NINL: variants seen among roughly 807,000 people sequenced by gnomAD.
The protein encoded by NINL is ninein like.
Under a neutral mutation model 160.3 loss-of-function variants are expected in NINL, and 153 were observed. The observed-to-expected ratio is 0.95, with a 90% CI of 0.84 to 1.09. The LOEUF (loss-of-function observed/expected upper bound fraction) is 1.09. Among genes scored for constraint, NINL ranks in the 50% least tolerant of loss-of-function variants. The pLI is 0.00. For synonymous variants in NINL, 800 were observed against 734.8 expected, an observed-to-expected ratio of 1.09 and a Z score of -1.43; for missense variants, 1,829 against 1,764.0, an observed-to-expected ratio of 1.04 and a Z score of -0.66.
chr20:25,563,048 C>G (rs1454023435), intron 1 of NINL, among the ~76,000 whole-genome samples: 1 of 152,120 alleles, frequency 6.6e-6, no homozygotes, highest in Non-Finnish European at 1.5e-5. Flanking sequence ...CGCCTGTAGT[C>G]CCAGCTACTT....
At chr20:25,566,763 C>G (rs2065003040) in intron 1 of NINL, among the ~76,000 whole-genome samples, 3 of 152,014 alleles carry the variant, frequency 2.0e-5, no homozygotes. Context: ...CACTGCACTC[C>G]AACCTAGGTG....
chr20:25,472,703 T>C (rs1601045502), intron 17 of NINL, among the ~76,000 whole-genome samples: 1 of 151,964 alleles, frequency 6.6e-6, no homozygotes, highest in Non-Finnish European at 1.5e-5. Flanking sequence ...TAATTTTTCT[T>C]AAGTTTTTGT....
intron 1 of NINL, among the ~76,000 whole-genome samples, chr20:25,561,270 C>T (rs1004783098): frequency 9.9e-5 from 15 of 152,152 alleles, no homozygotes; most frequent in African/African-American, 2.7e-4. Flanking sequence ...AGCTCCTAAG[C>T]GCGAGTGATC....
chr20:25,476,291 C>A lies in NINL; in HGVS notation c.3000G>T (p.Arg1000=). The A allele has an allele frequency of 1.2e-6, 2 of 1,613,426 alleles. No homozygotes were observed. The highest frequency in any genetic ancestry group is 1.7e-6 in the Non-Finnish European group (2 of 1,179,980). Residue 1000 remains arginine (R), a synonymous_variant, in exon 17 of 24, where the codon CGG becomes CGT. Coordinates refer to ENST00000278886, the MANE Select transcript of NINL (RefSeq NM_025176.6). ...TQEQASEQQA[R]AEGALEPGCH... ...ACCCAGGCTCCAGGGCGCCCTCGGC[C>A]CGGGCCTGCTGCTCCGAGGCCTGCT...
chr20:25,573,437 G>A (rs1016602170), intron 1 of NINL, among the ~76,000 whole-genome samples: 1 of 152,064 alleles, frequency 6.6e-6, no homozygotes, highest in Non-Finnish European at 1.5e-5. Context: ...TAGGAGCCTA[G>A]AGGCATAACA....
chr20:25,541,604 AC>A (rs1252830585), intron 1 of NINL, among the ~76,000 whole-genome samples: 1 of 152,248 alleles, frequency 6.6e-6, no homozygotes, highest in East Asian at 1.9e-4. Context: ...AAATATCCAT[AC>A]AATTAGTTAT....
intron 3 of NINL, among the ~76,000 whole-genome samples, chr20:25,516,067 C>A (rs780498287): frequency 6.6e-6 from 1 of 152,138 alleles, no homozygotes; most frequent in Non-Finnish European, 1.5e-5. Context: ...AGCCACCACA[C>A]CCAGCCCAAG....
chr20:25,501,493 A>C (rs969911206), intron 7 of NINL, among the ~76,000 whole-genome samples: 8 of 151,920 alleles, frequency 5.3e-5, no homozygotes, highest in Non-Finnish European at 1.2e-4. Context: ...AGGCGCACAC[A>C]CCCCCAGACC....
At chr20:25,503,900 A>C in intron 7 of NINL, 52 bp downstream of exon 7, 3 of 1,604,214 alleles carry the variant, frequency 1.9e-6, no homozygotes, top group Non-Finnish European at 2.6e-6. Context: ...TTTAGTCACC[A>C]GAGAGTGACA....
intron 1 of NINL, among the ~76,000 whole-genome samples, chr20:25,573,402 A>G (rs1330776839): frequency 6.6e-6 from 1 of 152,192 alleles, no homozygotes; most frequent in Non-Finnish European, 1.5e-5. Context: ...TCCAACTTTC[A>G]TATCTGAAAT....
intron 1 of NINL, among the ~76,000 whole-genome samples, chr20:25,570,109 G>C (rs2065037397): frequency 6.6e-6 from 1 of 152,184 alleles, no homozygotes; most frequent in Non-Finnish European, 1.5e-5. Flanking sequence ...TAACACAGGA[G>C]GCAGAGGGTG....
intron 19 of NINL, among the ~76,000 whole-genome samples, chr20:25,463,471 A>C (rs1001417745): frequency 6.6e-6 from 1 of 152,148 alleles, no homozygotes; most frequent in African/African-American, 2.4e-5. Flanking sequence ...AGCACCTCCC[A>C]CAGACAAAGG....
chr20:25,525,945 T>C (rs1211681395), intron 2 of NINL, among the ~76,000 whole-genome samples: 1 of 152,218 alleles, frequency 6.6e-6, no homozygotes, highest in Non-Finnish European at 1.5e-5. Context: ...TGGGTATCCT[T>C]TGTTCTTTCA....
At chr20:25,547,287 C>T (rs1421761720) in intron 1 of NINL, among the ~76,000 whole-genome samples, 1 of 152,182 alleles carries the variant, frequency 6.6e-6, no homozygotes, top group Non-Finnish European at 1.5e-5. Context: ...TGCAGCTAAA[C>T]CCCATCCACC....
intron 1 of NINL, among the ~76,000 whole-genome samples, chr20:25,572,910 C>T (rs775134844): frequency 4.6e-5 from 7 of 152,142 alleles, no homozygotes; most frequent in Non-Finnish European, 8.8e-5. Flanking sequence ...TTCCACGTCC[C>T]GGTCCATTCT....
chr20:25,503,822 G>T, intron 7 of NINL, 130 bp downstream of exon 7: 2 of 1,099,412 alleles, frequency 1.8e-6, no homozygotes, highest in Non-Finnish European at 2.7e-6. Flanking sequence ...ACATGCGTGT[G>T]TGCATGGCCT....
chr20:25,468,578 CCT>C (rs1482846695), intron 18 of NINL, among the ~76,000 whole-genome samples: 10 of 139,670 alleles, frequency 7.2e-5, no homozygotes, highest in African/African-American at 1.1e-4. Context: ...TGCCCTGTCC[CCT>C]GTCACTGGTC....
intron 1 of NINL, among the ~76,000 whole-genome samples, chr20:25,538,527 C>G (rs116045960): frequency 0.012 from 1,870 of 150,736 alleles, 33 homozygotes; most frequent in African/African-American, 0.041. Context: ...GGGCAGCTCT[C>G]AGGGGCAAAG....
intron 10 of NINL, among the ~76,000 whole-genome samples, chr20:25,494,289 C>T (rs1008005955): frequency 6.6e-6 from 1 of 151,718 alleles, no homozygotes; most frequent in Non-Finnish European, 1.5e-5. Context: ...ACTCACAGCA[C>T]CCCCACTGCA....
Sources: allele counts gnomAD v4.1 joint callset (sites outside exome capture counted in the v4.1 genomes callset), GRCh38; gene constraint gnomAD v4.1.1; transcripts MANE v1.5; gene names NCBI Gene and HGNC (gene_info 2026-07-23, HGNC 2026-07-21).